Variants in CACUL1 observed in about 807,000 individuals in gnomAD.
CACUL1 encodes CDK2-associated and cullin domain-containing protein 1.
A neutral mutation model predicts 45.2 loss-of-function variants in CACUL1; 13 were observed. The observed-to-expected ratio is 0.29, with a 90% CI of 0.19 to 0.46. The LOEUF is 0.46. CACUL1 is among the 20% of genes least tolerant of loss of function. The pLI is 1.00. For synonymous variants in CACUL1, 197 were observed against 174.2 expected, an observed-to-expected ratio of 1.13 and a Z score of -1.03; for missense variants, 421 against 471.4, an observed-to-expected ratio of 0.89 and a Z score of 0.99.
intron 4 of CACUL1, among the ~76,000 whole-genome samples, chr10:118,705,983 T>C (rs1332404803): frequency 1.3e-5 from 2 of 152,196 alleles, no homozygotes; most frequent in Admixed American, 6.5e-5. Flanking sequence ...AGATCCCTTA[T>C]TTGAATCCTG....
In CACUL1 at chr10:118,686,136, A is replaced by ACC; in HGVS notation, c.1100_1101dup (p.Tyr368GlyfsTer101). On this transcript the variant is annotated frameshift_variant, in exon 9 of 9. Transcript: ENST00000369151. LOFTEE classifies it high-confidence loss of function. ...CATATTCAATACATTCACTATCTGT[A>ACC]CCCCCTGGAACTTGCACATGCTGAC... 1 of 1,612,454 alleles carries ACC rather than the reference A, an allele frequency of 6.2e-7. No individual in the cohort carries two copies. Among genetic ancestry groups the ACC allele is most frequent in the Non-Finnish European group, 8.5e-7 (1 of 1,178,552 alleles).
At chr10:118,739,214 T>G (rs1279320177) in intron 1 of CACUL1, among the ~76,000 whole-genome samples, 2 of 148,336 alleles carry the variant, frequency 1.3e-5, no homozygotes, top group Non-Finnish European at 1.5e-5. Flanking sequence ...AAAAGGTCAG[T>G]GTTAAAAATA....
In CACUL1 at chr10:118,680,344, G is replaced by A. The variant is rs1845141430; in HGVS notation, c.*5784C>T. On this transcript the variant is annotated 3_prime_UTR_variant, in exon 9 of 9. Coordinates refer to ENST00000369151, the MANE Select transcript of CACUL1 (RefSeq NM_153810.5). ...GACACCCTACTTAACTGTGGGGCAG[G>A]GGAGTGAAAATGGAAATTGTCAGAG... 1 of 152,134 alleles carries A rather than the reference G, an allele frequency of 6.6e-6. No homozygotes were observed. The highest frequency in any genetic ancestry group is 1.5e-5 in the Non-Finnish European group (1 of 68,028). The allele number at this position is 152,134 out of a possible 1,614,324, so 9.4% of individuals were successfully genotyped here. A position where few individuals can be genotyped will look rare whatever the true frequency, so the allele number is the denominator to read the frequency against.
At chr10:118,698,105 T>C (rs1845339788) in intron 5 of CACUL1, among the ~76,000 whole-genome samples, 1 of 152,114 alleles carries the variant, frequency 6.6e-6, no homozygotes, top group African/African-American at 2.4e-5. Context: ...TTTGTGTTGT[T>C]TTTAAGACGT....
chr10:118,698,489 T>C (rs539183879), intron 5 of CACUL1, among the ~76,000 whole-genome samples: 53 of 152,304 alleles, frequency 3.5e-4, no homozygotes, highest in Non-Finnish European at 6.8e-4. Flanking sequence ...CTCCTGGAAT[T>C]TGGGCTCTGT....
chr10:118,750,677 G>A (rs777202163), intron 1 of CACUL1, among the ~76,000 whole-genome samples: 3 of 152,046 alleles, frequency 2.0e-5, no homozygotes, highest in Non-Finnish European at 2.9e-5. Context: ...CAGAGACTTC[G>A]GACATCTCAA....
chr10:118,750,287 C>T (rs1589622018), intron 1 of CACUL1, among the ~76,000 whole-genome samples: 1 of 151,342 alleles, frequency 6.6e-6, no homozygotes, highest in African/African-American at 2.4e-5. Flanking sequence ...GACTGCACCA[C>T]GGCACTCCAG....
At chr10:118,688,193 A>G (rs1468789429) in intron 7 of CACUL1, among the ~76,000 whole-genome samples, 1 of 152,232 alleles carries the variant, frequency 6.6e-6, no homozygotes, top group Admixed American at 6.5e-5. Context: ...TAGGCACCAC[A>G]TTCAGCACAA....
At chr10:118,694,344 T>C (rs949122206) in intron 6 of CACUL1, among the ~76,000 whole-genome samples, 15 of 152,264 alleles carry the variant, frequency 9.9e-5, no homozygotes, top group Non-Finnish European at 1.6e-4. Context: ...TATTATGTTA[T>C]CAGGTACTGT....
At chr10:118,703,570 G>A (rs892979602) in intron 4 of CACUL1, among the ~76,000 whole-genome samples, 1 of 151,948 alleles carries the variant, frequency 6.6e-6, no homozygotes, top group Admixed American at 6.6e-5. Flanking sequence ...GAGTTTATTT[G>A]TATAATAAAT....
intron 5 of CACUL1, 105 bp downstream of exon 5, chr10:118,701,201 A>T: frequency 1.7e-6 from 1 of 573,394 alleles, no homozygotes; most frequent in Non-Finnish European, 3.0e-6. Context: ...GGTTCAGAAG[A>T]TGTTAACATT....
intron 4 of CACUL1, among the ~76,000 whole-genome samples, chr10:118,703,133 T>TA (rs1270159854): frequency 6.6e-6 from 1 of 152,006 alleles, no homozygotes; most frequent in Admixed American, 6.6e-5. Context: ...AAAAAATATA[T>TA]AAAAATAAGA....
chr10:118,750,975 C>T (rs1264791531), intron 1 of CACUL1, among the ~76,000 whole-genome samples: 1 of 152,186 alleles, frequency 6.6e-6, no homozygotes, highest in Non-Finnish European at 1.5e-5. Context: ...CTTTGTTTTA[C>T]AAACAATCCA....
At chr10:118,719,979 G>A (rs1189149578) in intron 3 of CACUL1, among the ~76,000 whole-genome samples, 2 of 152,096 alleles carry the variant, frequency 1.3e-5, no homozygotes, top group East Asian at 3.8e-4. Flanking sequence ...ATACATATTA[G>A]ACACTTCTCA....
chr10:118,718,868 C>T (rs575045636), intron 3 of CACUL1, among the ~76,000 whole-genome samples: 20 of 152,330 alleles, frequency 1.3e-4, no homozygotes, highest in African/African-American at 4.3e-4. Flanking sequence ...CCACCGCGCC[C>T]GGCCAAGGCA....
At chr10:118,733,360 G>A (rs1026421204) in intron 1 of CACUL1, among the ~76,000 whole-genome samples, 2 of 151,530 alleles carry the variant, frequency 1.3e-5, no homozygotes, top group East Asian at 1.9e-4. Flanking sequence ...ATTTCCACAC[G>A]TATTATTTAT....
At chr10:118,750,944 C>G (rs1218098733) in intron 1 of CACUL1, among the ~76,000 whole-genome samples, 2 of 152,136 alleles carry the variant, frequency 1.3e-5, no homozygotes, top group Admixed American at 6.5e-5. Flanking sequence ...AAATGCGGTA[C>G]CATCACCTCA....
In CACUL1 at chr10:118,678,629, T is replaced by TTA. The variant is rs1233429351; in HGVS notation, c.*7498_*7499insTA. The TTA allele has an allele frequency of 6.6e-6, 1 of 152,140 alleles. No homozygotes were observed. The highest frequency in any genetic ancestry group is 2.4e-5 in the African/African-American group (1 of 41,402). The allele number at this position is 152,140 out of a possible 1,614,324, so 9.4% of individuals were successfully genotyped here. ...ATTTAGGTCCATTAAGTTTTTTTTT[T>TTA]ATCATTTTCTCATTTTAAAATTTAT... On this transcript the variant is annotated 3_prime_UTR_variant, in exon 9 of 9. Transcript: ENST00000369151.
At chr10:118,745,988 C>CAA (rs529304054) in intron 1 of CACUL1, among the ~76,000 whole-genome samples, 10 of 133,804 alleles carry the variant, frequency 7.5e-5, no homozygotes, top group Admixed American at 2.3e-4. Flanking sequence ...AAAAAAAATA[C>CAA]AAAAAAAAAA....
Sources: gnomAD v4.1 joint callset for allele counts (sites outside exome capture counted in the v4.1 genomes callset) on GRCh38, gnomAD v4.1.1 for gene constraint, MANE v1.5 for transcripts, NCBI Gene and HGNC (gene_info 2026-07-23, HGNC 2026-07-21) for gene names.